Variants in EP300 observed in about 807,000 individuals in gnomAD.
EP300 encodes EP300 lysine acetyltransferase.
A neutral mutation model predicts 264.0 loss-of-function variants in EP300; 31 were observed. The ratio of observed to expected loss-of-function variants is 0.12; its 90% CI spans 0.09 to 0.16. The LOEUF (loss-of-function observed/expected upper bound fraction) is 0.16, where lower values mean the gene tolerates loss of function less well. EP300 is among the 10% of genes least tolerant of loss of function. EP300 has a pLI of 1.00. For missense variants in EP300, 2,766 were observed against 3,052.9 expected (o/e 0.91, Z 2.21); for synonymous variants, 1,340 against 1,045.4 (o/e 1.28, Z -5.44).
At chr22:41,161,064 A>G (rs1428096875) in intron 20 of EP300, among the ~76,000 whole-genome samples, 1 of 152,222 alleles carries the variant, frequency 6.6e-6, no homozygotes, top group Non-Finnish European at 1.5e-5. Flanking sequence ...TATAGGAAGC[A>G]ATCAGCTTCT....
chr22:41,157,391 T>C lies in EP300; in HGVS notation c.3484T>C (p.Tyr1162His). The change falls in exon 18 of 31, where the codon TAC (tyrosine) becomes CAC (histidine). Residue 1162 changes from tyrosine (Y) to histidine (H), a missense_variant. Transcript: ENST00000263253. ...TGACCCAGTGATGCAAAGCCTTGGATACTGTTGTGGCAGAAAGGTAAGAAA... is the reference window on the plus strand; with the variant it reads ...TGACCCAGTGATGCAAAGCCTTGGACACTGTTGTGGCAGAAAGGTAAGAAA... ...EIDPVMQSLG[Y>H]CCGRKLEFSP... is the part of the protein sequence containing the mutation. 6.2e-7 allele frequency: 1 copy of C among 1,614,126 alleles called. No homozygotes were observed. The highest frequency in any genetic ancestry group is 2.2e-5 in the East Asian group (1 of 44,874).
At chr22:41,149,683 T>C in intron 13 of EP300, 78 bp from the exon 14 acceptor site, 2 of 1,450,714 alleles carry the variant, frequency 1.4e-6, no homozygotes, top group Non-Finnish European at 1.9e-6. Flanking sequence ...GTGTCCTAAA[T>C]TTATATATCA....
At chr22:41,172,794 T>C (rs933303068) in intron 28 of EP300, 131 bp downstream of exon 28, 56 of 1,020,084 alleles carry the variant, frequency 5.5e-5, no homozygotes, top group Non-Finnish European at 6.5e-5. Context: ...ACAAGAAATA[T>C]TGGCTTAGAG....
In EP300 at chr22:41,170,562, T is replaced by C; in HGVS notation, c.4443T>C (p.His1481=). The C allele has an allele frequency of 1.2e-6, 2 of 1,613,638 alleles. No homozygotes were observed. The highest frequency in any genetic ancestry group is 8.5e-7 in the Non-Finnish European group (1 of 1,179,938). ...LDKAVSERIV[H]DYKDIFKQAT... is the part of the protein sequence containing the mutation. Reference sequence around the variant, plus strand: ...AGGCTGTATCAGAGCGTATTGTCCATGACTACAAGGTCAGTTGGGACATAG... The same window carrying C: ...AGGCTGTATCAGAGCGTATTGTCCACGACTACAAGGTCAGTTGGGACATAG... The change falls in exon 27 of 31, where the codon CAT becomes CAC. Residue 1481 remains histidine (H), a synonymous_variant. Transcript: ENST00000263253.
chr22:41,176,351 T>C lies in EP300; in HGVS notation c.4884T>C (p.Asp1628=), dbSNP rs938606062. The C allele has an allele frequency of 6.2e-7, 1 of 1,614,240 alleles. No individual in the cohort carries two copies. Among genetic ancestry groups the C allele is most frequent in the South Asian group, 1.1e-5 (1 of 91,088 alleles). Residue 1628 remains aspartate, a synonymous_variant, in exon 30 of 31, where the codon GAT becomes GAC. Coordinates refer to ENST00000263253, the MANE Select transcript of EP300 (RefSeq NM_001429.4). ...CCTGCGATCTGATGGATGGTCGGGA[T>C]GCGTTTCTCACGCTGGCAAGGGACA... The part of the protein sequence containing the change: ...LIPCDLMDGR[D]AFLTLARDKH...
chr22:41,148,664 T>C (rs572735824), intron 12 of EP300, among the ~76,000 whole-genome samples: 1 of 152,340 alleles, frequency 6.6e-6, no homozygotes, highest in African/African-American at 2.4e-5. Context: ...TCTTAGAATT[T>C]GTGTTATTAC....
intron 1 of EP300, among the ~76,000 whole-genome samples, chr22:41,098,610 A>C (rs532664870): frequency 6.6e-6 from 1 of 152,286 alleles, no homozygotes; most frequent in East Asian, 1.9e-4. Context: ...TGACCTCGTG[A>C]TCCGCCCACC....
rs1490623516 is a variant in EP300, at chr22:41,094,120, G to A, written c.94+1022G>A. Reference sequence around the variant, plus strand: ...ATCATCCCTTCATTCTTTTCTTACAGTTAGTTTAATGGTGTTATCCTGATG... The same window carrying A: ...ATCATCCCTTCATTCTTTTCTTACAATTAGTTTAATGGTGTTATCCTGATG... On this transcript the variant is annotated intron_variant, in intron 1 of 30. Transcript: ENST00000263253. 2.0e-5 allele frequency among the ~76,000 whole-genome samples: 3 copies of A among 152,278 alleles called. No individual in the cohort carries two copies. The East Asian group carries it at 5.8e-4, about 29-fold the overall frequency.
At chr22:41,136,943 C>G (rs2058954384) in intron 7 of EP300, among the ~76,000 whole-genome samples, 2 of 152,058 alleles carry the variant, frequency 1.3e-5, no homozygotes, top group Non-Finnish European at 2.9e-5. Context: ...ACCTGTAATC[C>G]CAGCTACTCA....
At chr22:41,153,083 A>G (rs1358264462) in intron 16 of EP300, among the ~76,000 whole-genome samples, 1 of 152,140 alleles carries the variant, frequency 6.6e-6, no homozygotes, top group Non-Finnish European at 1.5e-5. Context: ...AACAGCTCTG[A>G]GGTTATTGGC....
chr22:41,164,059 T>G lies in EP300; in HGVS notation c.3735T>G (p.Val1245=). 5 of 1,614,198 alleles carry G rather than the reference T, an allele frequency of 3.1e-6. No homozygotes were observed. The highest frequency in any genetic ancestry group is 4.2e-6 in the Non-Finnish European group (5 of 1,180,026). ...KNDTLDPELF[V]ECTECGRKMH... is the part of the protein sequence containing the mutation. ...ATTGGCTCTGCTCTTCCAGGTTTGT[T>G]GAATGTACAGAGTGCGGAAGAAAGA... Residue 1245 remains valine (V), a synonymous_variant, in exon 22 of 31, where the codon GTT becomes GTG. Transcript: ENST00000263253.
intron 2 of EP300, among the ~76,000 whole-genome samples, chr22:41,119,220 A>G (rs552986072): frequency 6.4e-5 from 8 of 125,350 alleles, no homozygotes; most frequent in South Asian, 4.8e-4. Context: ...GGGTCTCACT[A>G]TGTTGCTCAG....
At chr22:41,149,630 C>T in intron 13 of EP300, 131 bp from the exon 14 acceptor site, 1 of 971,666 alleles carries the variant, frequency 1.0e-6, no homozygotes, top group Non-Finnish European at 1.6e-6. Context: ...GTATTTTACA[C>T]ATTTTGAAAT....
At chr22:41,146,621 C>G in intron 10 of EP300, 118 bp from the exon 11 acceptor site, 1 of 844,990 alleles carries the variant, frequency 1.2e-6, no homozygotes, top group Non-Finnish European at 2.0e-6. Context: ...TTTTGTGATT[C>G]ATACTCAATT....
At chr22:41,143,642 C>G (rs1197365718) in intron 10 of EP300, among the ~76,000 whole-genome samples, 1 of 151,870 alleles carries the variant, frequency 6.6e-6, no homozygotes, top group Non-Finnish European at 1.5e-5. Context: ...GTGGCACCAT[C>G]TAAGCTCACT....
chr22:41,147,695 G>A (rs949841926), intron 11 of EP300, 142 bp from the exon 12 acceptor site: 39 of 632,400 alleles, frequency 6.2e-5, no homozygotes, highest in Non-Finnish European at 8.2e-5. Context: ...CGGAGATTGC[G>A]CCACTGCACT....
Position 41,167,814 on chromosome 22 carries a change from GTT to G in EP300, c.3875-625_3875-624del, listed in dbSNP as rs1555911003. The stretch of plus-strand genomic sequence containing the variant: ...CATTGTTCTATTTCTGTTTGTTTTT[GTT>G]TTTTTTTTTGTTTTTTTTTTTTTTT... On this transcript the variant is annotated intron_variant, in intron 23 of 30. Transcript: ENST00000263253. Among the ~76,000 whole-genome samples, 2 of 66,208 alleles carry G rather than the reference GTT, an allele frequency of 3.0e-5. 1 individual carries two copies. The highest frequency in any genetic ancestry group is 5.2e-5 in the Non-Finnish European group (2 of 38,654). The allele number at this position is 66,208 out of a possible 152,430, so 43.4% of individuals were successfully genotyped here.
chr22:41,146,946 G>A, intron 11 of EP300, 130 bp downstream of exon 11: 1 of 815,560 alleles, frequency 1.2e-6, no homozygotes, highest in Non-Finnish European at 2.0e-6. Flanking sequence ...AGGAAGAGGG[G>A]GTGAAGAGCA....
intron 10 of EP300, among the ~76,000 whole-genome samples, chr22:41,142,070 T>C (rs973129733): frequency 1.3e-5 from 2 of 152,212 alleles, no homozygotes; most frequent in African/African-American, 2.4e-5. Flanking sequence ...GCCAAGACTA[T>C]GATAAATAGT....
Sources: allele counts gnomAD v4.1 joint callset (sites outside exome capture counted in the v4.1 genomes callset), GRCh38; gene constraint gnomAD v4.1.1; transcripts MANE v1.5; gene names NCBI Gene and HGNC (gene_info 2026-07-23, HGNC 2026-07-21).